Variants in CACNA1A observed in about 807,000 individuals in gnomAD.
CACNA1A encodes the protein voltage-dependent P/Q-type calcium channel subunit alpha-1A.
Under a neutral mutation model 262.4 loss-of-function variants are expected in CACNA1A, and 57 were observed. The observed-to-expected ratio is 0.22, with a 90% confidence interval of 0.18 to 0.27. CACNA1A has a LOEUF of 0.27. CACNA1A is among the 10% of genes least tolerant of loss of function. The probability of loss-of-function intolerance (pLI) is 1.00; values close to 1 mark genes in which losing one functional copy is unlikely to be tolerated. For synonymous variants in CACNA1A, 1,431 were observed against 1,419.3 expected (o/e 1.01, Z -0.18); for missense variants, 2,526 against 3,562.8 (o/e 0.71, Z 7.41).
At chr19:13,274,153 AGAG>A (rs2057092703) in intron 24 of CACNA1A, 1 of 152,216 alleles carries the variant, frequency 6.6e-6, no homozygotes, top group Non-Finnish European at 1.5e-5. Context: ...GAGAGGAGAA[AGAG>A]GAGGAAGGAG....
chr19:13,496,392 T>A (rs1981538642), intron 1 of CACNA1A, among the ~76,000 whole-genome samples: 2 of 152,114 alleles, frequency 1.3e-5, no homozygotes, highest in African/African-American at 4.8e-5. Flanking sequence ...AAGGTAAGAC[T>A]AGAGACAGTA....
intron 1 of CACNA1A, among the ~76,000 whole-genome samples, chr19:13,461,417 T>C (rs114597644): frequency 0.017 from 2,640 of 151,948 alleles, 68 homozygotes; most frequent in African/African-American, 0.059. Context: ...GAAGGGGACA[T>C]GGGTCCTGCT....
intron 38 of CACNA1A, among the ~76,000 whole-genome samples, chr19:13,220,355 G>T (rs1391648789): frequency 6.6e-6 from 1 of 152,174 alleles, no homozygotes. Context: ...GAAAAGCACA[G>T]TATTGTCTCT....
chr19:13,457,185 G>C (rs865870068), intron 1 of CACNA1A, among the ~76,000 whole-genome samples: 1 of 152,074 alleles, frequency 6.6e-6, no homozygotes, highest in Middle Eastern at 3.2e-3. Context: ...CCAGGAGGTT[G>C]AGGCTGCAGT....
rs1259903891 is a variant in CACNA1A at position 13,395,535 on chromosome 19, C to T, written c.540-23756G>A. Reference sequence around the variant, plus strand: ...GCTGAGGCAGGAGAATCATTTGAACCCAGAAGGCAGAGGCTGCAGTGAGCC... The same window carrying T: ...GCTGAGGCAGGAGAATCATTTGAACTCAGAAGGCAGAGGCTGCAGTGAGCC... On this transcript the variant is annotated intron_variant, in intron 3 of 46. Coordinates refer to ENST00000360228, the MANE Select transcript of CACNA1A (RefSeq NM_001127222.2). 5.9e-5 allele frequency among the ~76,000 whole-genome samples: 9 copies of T among 151,754 alleles called. No homozygotes were observed. In the East Asian group the frequency reaches 9.7e-4, roughly 16 times the overall value.
intron 1 of CACNA1A, among the ~76,000 whole-genome samples, chr19:13,490,831 A>T (rs1476884441): frequency 1.4e-5 from 2 of 148,002 alleles, no homozygotes; most frequent in African/African-American, 4.9e-5. Flanking sequence ...AAAGGAAGGA[A>T]GAAGGGAGGG....
At chr19:13,471,131 T>C (rs1245453277) in intron 1 of CACNA1A, among the ~76,000 whole-genome samples, 4 of 152,132 alleles carry the variant, frequency 2.6e-5, no homozygotes, top group African/African-American at 9.7e-5. Context: ...CTGTACCTTC[T>C]CATATAAAAG....
intron 19 of CACNA1A, 70 bp downstream of exon 19, chr19:13,298,474 C>A: frequency 4.5e-6 from 6 of 1,328,252 alleles, no homozygotes; most frequent in Non-Finnish European, 6.2e-6. Flanking sequence ...ATACACAGCA[C>A]GTGCTACTTT....
At position 13,369,159 on chromosome 19, in the gene CACNA1A, C is replaced by T. The variant is rs143117697; in HGVS notation, c.631+2529G>A. 3.7e-4 allele frequency among the ~76,000 whole-genome samples: 56 copies of T among 152,202 alleles called. 1 individual carries two copies. In the East Asian group the frequency reaches 4.8e-3, roughly 13 times the overall value. ...GATCCCATTTTCTTTCTGGTGTACC[C>T]GCCCTCCAGCTGCTATGGATGTTGG... On this transcript the variant is annotated intron_variant, in intron 4 of 46. Transcript: ENST00000360228.
intron 23 of CACNA1A, among the ~76,000 whole-genome samples, chr19:13,276,535 T>G (rs1221629428): frequency 6.6e-6 from 1 of 152,026 alleles, no homozygotes; most frequent in Non-Finnish European, 1.5e-5. Flanking sequence ...ACCTCCCCAC[T>G]CATCTCTCTG....
At chr19:13,455,851 C>T (rs1599295696) in intron 1 of CACNA1A, among the ~76,000 whole-genome samples, 1 of 116,440 alleles carries the variant, frequency 8.6e-6, no homozygotes, top group Non-Finnish European at 1.7e-5. Flanking sequence ...GCCTGGGTGA[C>T]AGAAGGAGGC....
At chr19:13,301,901 C>G (rs561080775) in intron 17 of CACNA1A, among the ~76,000 whole-genome samples, 1 of 151,992 alleles carries the variant, frequency 6.6e-6, no homozygotes, top group African/African-American at 2.4e-5. Flanking sequence ...CCCCTCCTGG[C>G]ACCATTCCCA....
intron 27 of CACNA1A, chr19:13,258,931 C>A (rs1208203612): frequency 7.1e-6 from 1 of 140,592 alleles, no homozygotes; most frequent in Non-Finnish European, 1.6e-5. Flanking sequence ...ATATCAATTT[C>A]TTCTTCTTTT....
At chr19:13,283,936 A>G (rs903863338) in intron 21 of CACNA1A, 3 of 152,628 alleles carry the variant, frequency 2.0e-5, no homozygotes, top group African/African-American at 7.2e-5. Flanking sequence ...GGCTCATGAT[A>G]GGGGCTCCAA....
Position 13,206,944 on chromosome 19 carries a change from G to GTTA in CACNA1A, c.*368_*369insTAA, listed in dbSNP as rs2054587875. 1.5e-5 allele frequency: 1 copy of GTTA among 65,110 alleles called. No homozygotes were observed. The highest frequency in any genetic ancestry group is 2.7e-5 in the Non-Finnish European group (1 of 37,602). The allele number at this position is 65,110 out of a possible 1,614,324, so 4.0% of individuals were successfully genotyped here. A position where few individuals can be genotyped will look rare whatever the true frequency, so the allele number is the denominator to read the frequency against. The stretch of plus-strand genomic sequence containing the variant: ...TCTCCCCGTTTTTTCTTTTAAAAAT[G>GTTA]TTTTTTTTTTTTTTTTTTTTTTTTT... On this transcript the variant is annotated 3_prime_UTR_variant, in exon 47 of 47. Coordinates refer to ENST00000360228, the MANE Select transcript of CACNA1A (RefSeq NM_001127222.2).
At chr19:13,250,460 G>C (rs913466999) in intron 30 of CACNA1A, among the ~76,000 whole-genome samples, 2 of 150,442 alleles carry the variant, frequency 1.3e-5, no homozygotes, top group African/African-American at 4.9e-5. Context: ...GCAGTGGCAA[G>C]ATCTCGGCTC....
At chr19:13,388,621 G>C (rs919076047) in intron 3 of CACNA1A, among the ~76,000 whole-genome samples, 3 of 152,190 alleles carry the variant, frequency 2.0e-5, no homozygotes, top group East Asian at 3.9e-4. Context: ...GCTCTCCTCA[G>C]GTTACGGGAT....
At chr19:13,436,319 G>A (rs1274776775) in intron 3 of CACNA1A, among the ~76,000 whole-genome samples, 1 of 152,174 alleles carries the variant, frequency 6.6e-6, no homozygotes, top group Non-Finnish European at 1.5e-5. Flanking sequence ...GCAAATAAGA[G>A]AGGAACCTCA....
chr19:13,338,432 G>A (rs114130633), intron 6 of CACNA1A, among the ~76,000 whole-genome samples: 2,274 of 152,138 alleles, frequency 0.015, 50 homozygotes, highest in African/African-American at 0.052. Context: ...TAGTAATTCC[G>A]AAATAGTAAT....
Sources: gnomAD v4.1 joint callset for allele counts (sites outside exome capture counted in the v4.1 genomes callset) on GRCh38, gnomAD v4.1.1 for gene constraint, MANE v1.5 for transcripts, NCBI Gene and HGNC (gene_info 2026-07-23, HGNC 2026-07-21) for gene names.